The following DCPS variants were observed in gnomAD, a reference collection of about 807,000 sequenced individuals.
DCPS encodes decapping enzyme, scavenger.
In DCPS, 27 loss-of-function variants were observed where a neutral mutation model predicts 34.7. The ratio of observed to expected loss-of-function variants is 0.78; its 90% CI spans 0.57 to 1.07. DCPS has a LOEUF of 1.07. DCPS is among the 50% of genes least tolerant of loss of function. The pLI, the probability that DCPS is intolerant of heterozygous loss-of-function variation, is 0.00. For synonymous variants in DCPS, 185 were observed against 185.7 expected, an observed-to-expected ratio of 1.00 and a Z score of 0.03; for missense variants, 464 against 436.9, an observed-to-expected ratio of 1.06 and a Z score of -0.55.
Position 126,338,268 on chromosome 11 carries a change from C to A in DCPS, c.523-18C>A, listed in dbSNP as rs1229424493. 2.5e-6 allele frequency: 4 copies of A among 1,611,692 alleles called. No individual in the cohort carries two copies. Among genetic ancestry groups the A allele is most frequent in the Middle Eastern group, 1.7e-4 (1 of 6,052 alleles). ...TGATGAGTGGATTTGTGAACCATCT[C>A]TCTCCCCCTCCTTTCAGTGGGTGTA... On this transcript the variant is annotated intron_variant, in intron 3 of 5. Coordinates refer to ENST00000263579, the MANE Select transcript of DCPS (RefSeq NM_014026.6). This position sits in a 1 kb window ranked among gnomAD's most constrained non-coding sequence, Gnocchi z 5.4.
intron 1 of DCPS, 120 bp downstream of exon 1, chr11:126,304,401 G>C: frequency 8.5e-7 from 1 of 1,173,860 alleles, no homozygotes; most frequent in Non-Finnish European, 1.2e-6. Context: ...ACTCCGGGGA[G>C]GCGGGAGTGC....
At position 126,318,832 on chromosome 11, in the gene DCPS, G is replaced by T. The variant is rs1591384095; in HGVS notation, c.376+12088G>T. Among the ~76,000 whole-genome samples, 3 of 152,332 alleles carry T rather than the reference G, an allele frequency of 2.0e-5. No homozygotes were observed. The South Asian group carries it at 6.2e-4, about 32-fold the overall frequency. On this transcript the variant is annotated intron_variant, in intron 2 of 5. Coordinates refer to ENST00000263579, the MANE Select transcript of DCPS (RefSeq NM_014026.6). ...GGAAAGCAGTCTTGTTTGAACATGT[G>T]TATGGGAAGGAGAGCAGACTGTCTG...
At chr11:126,306,525 T>C (rs1951567348) in intron 1 of DCPS, 45 bp from the exon 2 acceptor site, 1 of 1,535,840 alleles carries the variant, frequency 6.5e-7, no homozygotes, top group Non-Finnish European at 8.8e-7. Flanking sequence ...CAGAGTCTCA[T>C]CGTGGTTCTG....
At chr11:126,318,389 T>C (rs1326160897) in intron 2 of DCPS, among the ~76,000 whole-genome samples, 1 of 152,200 alleles carries the variant, frequency 6.6e-6, no homozygotes, top group Non-Finnish European at 1.5e-5. Context: ...AGAGGATGAC[T>C]TAAGATCCAC....
chr11:126,333,086 G>A lies in DCPS; in HGVS notation c.522+1536G>A, dbSNP rs1392034636. On this transcript the variant is annotated intron_variant, in intron 3 of 5. Transcript: ENST00000263579. The surrounding 1 kb of genome is among the most constrained non-coding windows in gnomAD (Gnocchi z 5.7). ...TCGAACTCCTGAGCTCAGGCAGTCC[G>A]CCTGTCTTGGCCTCCCAAAGTGCTA... Among the ~76,000 whole-genome samples, 2 of 152,128 alleles carry A rather than the reference G, an allele frequency of 1.3e-5. No individual in the cohort carries two copies. Among genetic ancestry groups the A allele is most frequent in the Admixed American group, 6.6e-5 (1 of 15,262 alleles).
At position 126,338,404 on chromosome 11, in the gene DCPS, A is replaced by C. The variant is rs572466350; in HGVS notation, c.636+5A>C. ...CTCAAGTGGAACCAACAGCAGGTAA[A>C]GGTTTCTGGCTGGAATGTCCTGATC... On this transcript the variant is annotated splice_donor_5th_base_variant and intron_variant, in intron 4 of 5. Coordinates refer to ENST00000263579, the MANE Select transcript of DCPS (RefSeq NM_014026.6). This position sits in a 1 kb window ranked among gnomAD's most constrained non-coding sequence, Gnocchi z 5.4. 98 of 1,613,804 alleles carry C rather than the reference A, an allele frequency of 6.1e-5. 1 individual carries two copies. Among genetic ancestry groups the C allele is most frequent in the Admixed American group, 5.0e-4 (30 of 60,012 alleles).
Position 126,343,328 on chromosome 11 carries a change from G to A in DCPS, c.658G>A (p.Ala220Thr), listed in dbSNP as rs554435261. 10 of 1,613,650 alleles carry A rather than the reference G, an allele frequency of 6.2e-6. No homozygotes were observed. The South Asian group carries it at 9.9e-5, about 16-fold the overall frequency. The change falls in exon 5 of 6, where the codon GCC (alanine) becomes ACC (threonine). Residue 220 changes from alanine (A) to threonine (T), a missense_variant. By Grantham distance (58) the Ala-to-Thr change is moderately conservative. Transcript: ENST00000263579. ...QQQLDDLYLI[A>T]ICHRRGIRSL... ...GCAGCTCGATGACTTGTACTTGATC[G>A]CCATCTGCCATCGCCGGGGCATCAG...
At chr11:126,306,504 G>C in intron 1 of DCPS, 66 bp from the exon 2 acceptor site, 1 of 1,459,676 alleles carries the variant, frequency 6.9e-7, no homozygotes, top group Non-Finnish European at 9.2e-7. Context: ...GGGAGCTTCT[G>C]TCTTGCTCTC....
intron 4 of DCPS, among the ~76,000 whole-genome samples, chr11:126,340,542 T>C (rs1249595022): frequency 6.6e-6 from 1 of 152,202 alleles, no homozygotes; most frequent in Non-Finnish European, 1.5e-5. Context: ...AATCTTTGAC[T>C]TGTGACAGCA....
chr11:126,345,331 G>T lies in DCPS; in HGVS notation c.748-16G>T. ...CAGCACGGTGACTCCTGACCTGCCTGCCCCTGTCTCATCAGGAGGCCATCC... is the reference window on the plus strand; with the variant it reads ...CAGCACGGTGACTCCTGACCTGCCTTCCCCTGTCTCATCAGGAGGCCATCC... On this transcript the variant is annotated splice_polypyrimidine_tract_variant and intron_variant, in intron 5 of 5. Transcript: ENST00000263579. This position sits in a 1 kb window ranked among gnomAD's most constrained non-coding sequence, Gnocchi z 7.4. The T allele has an allele frequency of 2.5e-6, 4 of 1,613,194 alleles. No homozygotes were observed. The highest frequency in any genetic ancestry group is 3.4e-6 in the Non-Finnish European group (4 of 1,179,828).
rs1285570544 is a variant in DCPS at position 126,331,333 on chromosome 11, C to T, written c.377-72C>T. 4.4e-6 allele frequency: 7 copies of T among 1,573,982 alleles called. No individual in the cohort carries two copies. Among genetic ancestry groups the T allele is most frequent in the Admixed American group, 1.8e-5 (1 of 55,930 alleles). On this transcript the variant is annotated intron_variant, in intron 2 of 5. Coordinates refer to ENST00000263579, the MANE Select transcript of DCPS (RefSeq NM_014026.6). The surrounding 1 kb of genome is among the most constrained non-coding windows in gnomAD (Gnocchi z 7.2). The stretch of plus-strand genomic sequence containing the variant: ...ATCAAAGCCAGGGTGGGAGTTCTCT[C>T]CTCACCGTGGTGCCTGTGGCATAGA...
chr11:126,327,182 G>A lies in DCPS; in HGVS notation c.377-4223G>A, dbSNP rs556046786. 5.3e-5 allele frequency among the ~76,000 whole-genome samples: 8 copies of A among 152,218 alleles called. No homozygotes were observed. Among genetic ancestry groups the A allele is most frequent in the South Asian group, 2.1e-4 (1 of 4,828 alleles). On this transcript the variant is annotated intron_variant, in intron 2 of 5. Coordinates refer to ENST00000263579, the MANE Select transcript of DCPS (RefSeq NM_014026.6). The surrounding 1 kb of genome is among the most constrained non-coding windows in gnomAD (Gnocchi z 4.1). ...GATCTAATCCAATCCCTTTAGTCCC[G>A]TCTCTTTAGTCTCCCTTCATCTGGA... is the stretch of plus-strand genomic sequence containing the variant.
Position 126,333,178 on chromosome 11 carries a change from C to A in DCPS, c.522+1628C>A, listed in dbSNP as rs577950680. Reference sequence around the variant, plus strand: ...CTTATTATATACCATTATGCAGTTCCATTCGGAGAAGAGCACAATGAAAAC... The same window carrying A: ...CTTATTATATACCATTATGCAGTTCAATTCGGAGAAGAGCACAATGAAAAC... On this transcript the variant is annotated intron_variant, in intron 3 of 5. Transcript: ENST00000263579. This position sits in a 1 kb window ranked among gnomAD's most constrained non-coding sequence, Gnocchi z 5.7. Among the ~76,000 whole-genome samples, 41 of 152,294 alleles carry A rather than the reference C, an allele frequency of 2.7e-4. No homozygotes were observed. The highest frequency in any genetic ancestry group is 3.7e-4 in the Non-Finnish European group (25 of 68,028).
intron 1 of DCPS, 122 bp from the exon 2 acceptor site, chr11:126,306,448 A>C (rs1012577237): frequency 8.3e-6 from 9 of 1,089,750 alleles, no homozygotes; most frequent in Non-Finnish European, 6.3e-6. Flanking sequence ...CCCAGAGGGA[A>C]GACTTCAGGG....
intron 4 of DCPS, chr11:126,341,355 C>T (rs1241531139): frequency 6.6e-6 from 1 of 152,244 alleles, no homozygotes; most frequent in East Asian, 1.9e-4. Flanking sequence ...CTTTCCTGCC[C>T]CTGGGCTAGC....
Position 126,332,338 on chromosome 11 carries a change from T to A in DCPS, c.522+788T>A, listed in dbSNP as rs2135328024. Among the ~76,000 whole-genome samples, 1 of 152,380 alleles carries A rather than the reference T, an allele frequency of 6.6e-6. No homozygotes were observed. Among genetic ancestry groups the A allele is most frequent in the Non-Finnish European group, 1.5e-5 (1 of 68,040 alleles). On this transcript the variant is annotated intron_variant, in intron 3 of 5. Coordinates refer to ENST00000263579, the MANE Select transcript of DCPS (RefSeq NM_014026.6). This position sits in a 1 kb window ranked among gnomAD's most constrained non-coding sequence, Gnocchi z 5.4. ...CCTAGGCCCAGCGCCAACTGGAGCC[T>A]CTGCCTGGAACTGGCCCCATGTGAG...
Position 126,323,646 on chromosome 11 carries a change from C to T in DCPS, c.377-7759C>T, listed in dbSNP as rs1951722246. Among the ~76,000 whole-genome samples, 1 of 152,070 alleles carries T rather than the reference C, an allele frequency of 6.6e-6. No homozygotes were observed. Among genetic ancestry groups the T allele is most frequent in the African/African-American group, 2.4e-5 (1 of 41,396 alleles). Reference sequence around the variant, plus strand: ...GACCTTCCAGGCTCAAGCGATCCTCCCACCACCTCAGCCACCAGAGTAGCT... The same window carrying T: ...GACCTTCCAGGCTCAAGCGATCCTCTCACCACCTCAGCCACCAGAGTAGCT... On this transcript the variant is annotated intron_variant, in intron 2 of 5. Transcript: ENST00000263579. This position sits in a 1 kb window ranked among gnomAD's most constrained non-coding sequence, Gnocchi z 4.4.
Position 126,345,649 on chromosome 11 carries a change from TG to T in DCPS, c.*41del. ...GCAGAAGAGCACAGATGTGTGGGAT[TG>T]GGGGAGGAGTGGGGACAAGATTTTT... On this transcript the variant is annotated 3_prime_UTR_variant, in exon 6 of 6. Transcript: ENST00000263579. This position sits in a 1 kb window ranked among gnomAD's most constrained non-coding sequence, Gnocchi z 7.4. 6.3e-7 allele frequency: 1 copy of T among 1,595,146 alleles called. No individual in the cohort carries two copies. The highest frequency in any genetic ancestry group is 8.6e-7 in the Non-Finnish European group (1 of 1,169,008).
Position 126,345,370 on chromosome 11 carries a change from G to T in DCPS, c.771G>T (p.Arg257=). Residue 257 remains arginine, a synonymous_variant, in exon 6 of 6, where the codon CGG becomes CGT. Coordinates refer to ENST00000263579, the MANE Select transcript of DCPS (RefSeq NM_014026.6). The surrounding 1 kb of genome is among the most constrained non-coding windows in gnomAD (Gnocchi z 7.4). The part of the protein sequence containing the change: ...QGQEAILQRY[R]MKGDHLRVYL... The stretch of plus-strand genomic sequence containing the variant: ...AGGAGGCCATCCTGCAGCGCTACCG[G>T]ATGAAGGGAGACCATCTGCGAGTAT... 1 of 1,614,084 alleles carries T rather than the reference G, an allele frequency of 6.2e-7. No homozygotes were observed. Among genetic ancestry groups the T allele is most frequent in the Non-Finnish European group, 8.5e-7 (1 of 1,180,018 alleles).
Sources: allele counts gnomAD v4.1 joint callset (sites outside exome capture counted in the v4.1 genomes callset), GRCh38; gene constraint gnomAD v4.1.1; non-coding constraint Gnocchi (gnomAD v3.1); transcripts MANE v1.5; gene names NCBI Gene and HGNC (gene_info 2026-07-23, HGNC 2026-07-21).